ELMOD1: variants seen among roughly 807,000 people sequenced by gnomAD.
The protein encoded by ELMOD1 is ELMO domain-containing protein 1.
A neutral mutation model predicts 46.7 loss-of-function variants in ELMOD1; 21 were observed. The observed-to-expected ratio is 0.45, with a 90% CI of 0.32 to 0.65. ELMOD1 has a LOEUF of 0.65. ELMOD1 is among the 30% of genes least tolerant of loss of function. The probability of loss-of-function intolerance (pLI) is 0.04; values close to 1 mark genes in which losing one functional copy is unlikely to be tolerated. For missense variants in ELMOD1, 348 were observed against 407.8 expected (o/e 0.85, Z 1.26); for synonymous variants, 122 against 138.2 (o/e 0.88, Z 0.82).
At chr11:107,659,633 T>C (rs1866694293) in intron 11 of ELMOD1, among the ~76,000 whole-genome samples, 1 of 40,976 alleles carries the variant, frequency 2.4e-5, no homozygotes, top group Admixed American at 3.9e-4. Flanking sequence ...GCTCAGTAAC[T>C]AGAGGGGGGT....
intron 6 of ELMOD1, among the ~76,000 whole-genome samples, chr11:107,636,045 A>G (rs989870676): frequency 6.6e-6 from 1 of 152,220 alleles, no homozygotes; most frequent in African/African-American, 2.4e-5. Context: ...ATTTGGCTTA[A>G]GTTTAGTTTG....
Position 107,608,859 on chromosome 11 carries a change from C to T in ELMOD1, c.-85-9246C>T, listed in dbSNP as rs1386695915. Among the ~76,000 whole-genome samples the T allele has an allele frequency of 2.0e-5, 3 of 152,030 alleles. No individual in the cohort carries two copies. The South Asian group carries it at 6.2e-4, about 32-fold the overall frequency. On this transcript the variant is annotated intron_variant, in intron 1 of 11. Coordinates refer to ENST00000265840, the MANE Select transcript of ELMOD1 (RefSeq NM_018712.4). ...TATGTACATCCTGGCTTTGATTATC[C>T]CTAGCTTTGCAGTTTAGTTTGAAAT...
intron 1 of ELMOD1, among the ~76,000 whole-genome samples, chr11:107,610,543 A>G (rs952903127): frequency 1.1e-4 from 16 of 151,946 alleles, no homozygotes; most frequent in Non-Finnish European, 1.6e-4. Flanking sequence ...GTATGCCTGT[A>G]ATCTGAGCTA....
intron 2 of ELMOD1, among the ~76,000 whole-genome samples, chr11:107,622,671 G>A (rs1865970600): frequency 6.6e-6 from 1 of 152,192 alleles, no homozygotes. Context: ...TTTTTATTCA[G>A]CATGACCCAC....
chr11:107,652,192 T>G (rs931177807), intron 9 of ELMOD1, among the ~76,000 whole-genome samples: 2 of 152,226 alleles, frequency 1.3e-5, no homozygotes, highest in African/African-American at 4.8e-5. Context: ...ATATATGGAT[T>G]GATTATGATA....
rs376177555 is a variant in ELMOD1 at position 107,618,141 on chromosome 11, A to G, written c.-49A>G. 4 of 1,555,786 alleles carry G rather than the reference A, an allele frequency of 2.6e-6. No homozygotes were observed. The highest frequency in any genetic ancestry group is 3.5e-6 in the Non-Finnish European group (4 of 1,148,390). ...TTTGACAAAGGCAAATTTGGAAGCAATTACTTGAGGACAGTTCATATAGCA... is the reference window on the plus strand; with the variant it reads ...TTTGACAAAGGCAAATTTGGAAGCAGTTACTTGAGGACAGTTCATATAGCA... On this transcript the variant is annotated 5_prime_UTR_variant, in exon 2 of 12. Transcript: ENST00000265840.
chr11:107,632,727 A>C (rs1002945158), intron 5 of ELMOD1, among the ~76,000 whole-genome samples: 3 of 152,196 alleles, frequency 2.0e-5, no homozygotes, highest in Non-Finnish European at 2.9e-5. Context: ...TGAACGAAAA[A>C]TTTAAGACTA....
At chr11:107,645,688 T>G (rs1484411544) in intron 6 of ELMOD1, among the ~76,000 whole-genome samples, 2 of 152,192 alleles carry the variant, frequency 1.3e-5, no homozygotes, top group Non-Finnish European at 2.9e-5. Flanking sequence ...AAAAAGAGAT[T>G]TTGTATATTC....
intron 1 of ELMOD1, among the ~76,000 whole-genome samples, chr11:107,613,424 A>G (rs1485162742): frequency 1.3e-5 from 2 of 152,164 alleles, no homozygotes; most frequent in African/African-American, 2.4e-5. Flanking sequence ...TTTGTCTCCA[A>G]AACTTGTGCT....
chr11:107,651,507 A>G (rs1192796039), intron 9 of ELMOD1, among the ~76,000 whole-genome samples: 1 of 151,986 alleles, frequency 6.6e-6, no homozygotes, highest in African/African-American at 2.4e-5. Context: ...CCACCTTACT[A>G]TTTTACTCAT....
chr11:107,601,709 C>T (rs1865602394), intron 1 of ELMOD1, among the ~76,000 whole-genome samples: 2 of 151,974 alleles, frequency 1.3e-5, no homozygotes, highest in Admixed American at 1.3e-4. Flanking sequence ...AGCCATCAAG[C>T]CCAGCCTATT....
intron 1 of ELMOD1, among the ~76,000 whole-genome samples, chr11:107,599,745 A>AAAAAAAAG (rs1487338123): frequency 9.0e-5 from 13 of 144,214 alleles, no homozygotes; most frequent in African/African-American, 3.0e-4. Context: ...TGTCTCAAAA[A>AAAAAAAAG]AAAAAAGAAA....
intron 2 of ELMOD1, among the ~76,000 whole-genome samples, chr11:107,624,052 AATTAT>A (rs1251382102): frequency 2.0e-5 from 3 of 152,076 alleles, no homozygotes; most frequent in Non-Finnish European, 4.4e-5. Context: ...ATTTTTTTTG[AATTAT>A]ATTATGTAGC....
rs764437846 is a variant in ELMOD1, at chr11:107,665,045, C to A, written c.853C>A (p.His285Asn). Reference sequence around the variant, plus strand: ...AACAGGCTATTTGATGCATGAATTTCATAAGTTTTGGATCGAAGAGGACCC... The same window carrying A: ...AACAGGCTATTTGATGCATGAATTTAATAAGTTTTGGATCGAAGAGGACCC... Reference protein sequence around the residue: ...QTFCYLMHEFHKFWIEEDPMD... With the variant: ...QTFCYLMHEFNKFWIEEDPMD... The change falls in exon 12 of 12, where the codon CAT becomes AAT. Residue 285 changes from histidine to asparagine, a missense_variant. His to Asn is a moderately conservative substitution (Grantham distance 68, BLOSUM62 1). Transcript: ENST00000265840. The A allele has an allele frequency of 1.2e-6, 2 of 1,612,866 alleles. No homozygotes were observed. Among genetic ancestry groups the A allele is most frequent in the African/African-American group, 1.3e-5 (1 of 74,806 alleles).
At chr11:107,621,152 G>T (rs909687593) in intron 2 of ELMOD1, among the ~76,000 whole-genome samples, 1 of 152,142 alleles carries the variant, frequency 6.6e-6, no homozygotes, top group Non-Finnish European at 1.5e-5. Context: ...ATTAATAAAG[G>T]AAAATTTTAA....
intron 5 of ELMOD1, among the ~76,000 whole-genome samples, chr11:107,633,809 A>G (rs1866182576): frequency 6.6e-6 from 1 of 151,976 alleles, no homozygotes; most frequent in Non-Finnish European, 1.5e-5. Context: ...AATTAACGCT[A>G]TTCTCCATAC....
At chr11:107,615,197 G>A (rs1390300229) in intron 1 of ELMOD1, among the ~76,000 whole-genome samples, 1 of 149,544 alleles carries the variant, frequency 6.7e-6, no homozygotes, top group Non-Finnish European at 1.5e-5. Context: ...TAGTACAGAG[G>A]GTTCCCTTAT....
At chr11:107,625,358 A>G (rs747244686) in intron 2 of ELMOD1, 17 of 951,400 alleles carry the variant, frequency 1.8e-5, no homozygotes, top group Middle Eastern at 1.1e-3. Context: ...TTTTGTACAT[A>G]TCTTTCATCA....
At chr11:107,644,300 GAA>G (rs754683171) in intron 6 of ELMOD1, among the ~76,000 whole-genome samples, 2 of 110,576 alleles carry the variant, frequency 1.8e-5, no homozygotes. Flanking sequence ...TGTCTCCAAA[GAA>G]AAAAAAAAAA....
Sources: gnomAD v4.1 joint callset for allele counts (sites outside exome capture counted in the v4.1 genomes callset) on GRCh38, gnomAD v4.1.1 for gene constraint, MANE v1.5 for transcripts, NCBI Gene and HGNC (gene_info 2026-07-23, HGNC 2026-07-21) for gene names.